Variants in ACKR3 observed in about 807,000 individuals in gnomAD.
The protein encoded by ACKR3 is atypical chemokine receptor 3.
ACKR3 carries 6 observed loss-of-function variants against 22.4 expected under a neutral mutation model. The ratio of observed to expected loss-of-function variants is 0.27; its 90% CI spans 0.15 to 0.53. The LOEUF (loss-of-function observed/expected upper bound fraction) is 0.53, where lower values mean the gene tolerates loss of function less well. ACKR3 is among the 20% of genes least tolerant of loss of function. The pLI is 0.96. For synonymous variants in ACKR3, 209 were observed against 205.2 expected, an observed-to-expected ratio of 1.02 and a Z score of -0.16; for missense variants, 396 against 475.2, an observed-to-expected ratio of 0.83 and a Z score of 1.55.
the ACKR3 span, among the ~76,000 whole-genome samples, chr2:236,543,160 C>A: frequency 1.3e-5 from 2 of 152,106 alleles, no homozygotes; most frequent in South Asian, 4.1e-4. Context: ...GTTATTCTAG[C>A]AGACAAGGAA....
At chr2:236,552,737 A>G in the ACKR3 span, among the ~76,000 whole-genome samples, 5 of 152,032 alleles carry the variant, frequency 3.3e-5, no homozygotes, top group South Asian at 2.1e-4. Context: ...AATAACATAG[A>G]GCATGTAGCC....
upstream of ACKR3, among the ~76,000 whole-genome samples, chr2:236,569,315 T>C (rs1000336462): frequency 5.9e-5 from 9 of 152,250 alleles, no homozygotes; most frequent in African/African-American, 2.2e-4. Context: ...ATCGATTCAT[T>C]GGTCATACCA....
intron 1 of ACKR3, among the ~76,000 whole-genome samples, chr2:236,575,511 CTG>C (rs1418103595): frequency 1.4e-4 from 13 of 92,322 alleles, no homozygotes; most frequent in Non-Finnish European, 1.8e-4. Context: ...GTGTGTGTGT[CTG>C]GGGTTGTGCT....
upstream of ACKR3, among the ~76,000 whole-genome samples, chr2:236,567,241 C>T (rs1691204994): frequency 6.6e-6 from 1 of 152,260 alleles, no homozygotes; most frequent in Non-Finnish European, 1.5e-5. Context: ...CCTCGCGATC[C>T]GCCCGCCTCG....
the ACKR3 span, among the ~76,000 whole-genome samples, chr2:236,547,203 T>G: frequency 6.6e-6 from 1 of 152,200 alleles, no homozygotes; most frequent in African/African-American, 2.4e-5. Flanking sequence ...GAAATAAAAG[T>G]TGCCCAGAGC....
intron 1 of ACKR3, among the ~76,000 whole-genome samples, chr2:236,575,678 G>A (rs920751809): frequency 7.2e-6 from 1 of 139,232 alleles, no homozygotes; most frequent in Non-Finnish European, 1.6e-5. Flanking sequence ...CGTTTCTGGG[G>A]TTGTGCTGTG....
chr2:236,580,932 G>C lies in ACKR3; in HGVS notation c.467G>C (p.Arg156Thr). The stretch of plus-strand genomic sequence containing the variant: ...TACTTCACCAACACCCCCAGCAGCA[G>C]GAAGAAGATGGTACGCCGTGTCGTC... ...ITYFTNTPSSRKKMVRRVVCI... is the reference protein window; with the variant it reads ...ITYFTNTPSSTKKMVRRVVCI... Residue 156 changes from arginine (R) to threonine (T), a missense_variant, in exon 2 of 2, where the codon AGG (arginine) becomes ACG (threonine). Transcript: ENST00000272928. The C allele has an allele frequency of 1.2e-6, 2 of 1,614,204 alleles. No individual in the cohort carries two copies. Among genetic ancestry groups the C allele is most frequent in the Non-Finnish European group, 1.7e-6 (2 of 1,180,040 alleles).
At chr2:236,572,170 T>C (rs182002618) in intron 1 of ACKR3, among the ~76,000 whole-genome samples, 110 of 152,282 alleles carry the variant, frequency 7.2e-4, no homozygotes, top group Admixed American at 2.4e-3. Context: ...TTTGATGGTT[T>C]CCTTCAGGGA....
At chr2:236,541,596 A>T in the ACKR3 span, among the ~76,000 whole-genome samples, 1 of 152,160 alleles carries the variant, frequency 6.6e-6, no homozygotes, top group Non-Finnish European at 1.5e-5. Flanking sequence ...GTTTTGTTTG[A>T]CTTAGCACAG....
intron 1 of ACKR3, among the ~76,000 whole-genome samples, chr2:236,573,306 A>G (rs1299866415): frequency 1.3e-5 from 2 of 152,264 alleles, no homozygotes; most frequent in East Asian, 3.9e-4. Flanking sequence ...GGCCTGGTGG[A>G]AGAGGTGTTA....
At chr2:236,563,786 C>T (rs1039314150), upstream of ACKR3, among the ~76,000 whole-genome samples, 2 of 152,162 alleles carry the variant, frequency 1.3e-5, no homozygotes, top group Non-Finnish European at 2.9e-5. Flanking sequence ...GGTTTACTGC[C>T]CAGACTTGCG....
chr2:236,569,185 G>T (rs557092378), upstream of ACKR3, among the ~76,000 whole-genome samples: 1 of 152,354 alleles, frequency 6.6e-6, no homozygotes, highest in East Asian at 1.9e-4. Flanking sequence ...AGACACTGTA[G>T]AATACTATCT....
chr2:236,549,661 T>A, the ACKR3 span, among the ~76,000 whole-genome samples: 3,296 of 152,282 alleles, frequency 0.022, 71 homozygotes, highest in Middle Eastern at 0.037. The surrounding 1 kb of genome is among the most constrained non-coding windows in gnomAD (Gnocchi z 5.3). Flanking sequence ...AGTAGTAGGA[T>A]CATAGTTGGT....
upstream of ACKR3, among the ~76,000 whole-genome samples, chr2:236,569,003 C>T (rs1487508907): frequency 1.1e-4 from 16 of 152,132 alleles, no homozygotes; most frequent in Admixed American, 6.5e-4. Context: ...ATGAGTATCA[C>T]CTGGATCACA....
chr2:236,564,811 C>T (rs184017019), upstream of ACKR3, among the ~76,000 whole-genome samples: 55 of 152,212 alleles, frequency 3.6e-4, no homozygotes, highest in African/African-American at 9.9e-4. Flanking sequence ...TGGATTGGAA[C>T]GCCATGGCCA....
rs778618630 is a variant in ACKR3, at chr2:236,580,588, C to T, written c.123C>T (p.Ser41=). Residue 41 remains serine, a synonymous_variant, in exon 2 of 2, where the codon AGC becomes AGT. Transcript: ENST00000272928. ...TGTGTCCCAACATGCCCAACAAAAG[C>T]GTCCTGCTCTACACGCTCTCCTTCA... ...TVMCPNMPNK[S]VLLYTLSFIY... is the part of the protein sequence containing the mutation. 20 of 1,613,924 alleles carry T rather than the reference C, an allele frequency of 1.2e-5. No individual in the cohort carries two copies. The Admixed American group carries it at 2.2e-4, about 17-fold the overall frequency.
the ACKR3 span, among the ~76,000 whole-genome samples, chr2:236,543,109 G>A: frequency 6.6e-6 from 1 of 152,190 alleles, no homozygotes. Context: ...TCCCAGGTGA[G>A]GTGCTACTTG....
At chr2:236,545,254 G>C in the ACKR3 span, among the ~76,000 whole-genome samples, 4 of 152,176 alleles carry the variant, frequency 2.6e-5, no homozygotes, top group Non-Finnish European at 4.4e-5. The surrounding 1 kb of genome is among the most constrained non-coding windows in gnomAD (Gnocchi z 5.3). Flanking sequence ...CAGGGGCTCT[G>C]TCGCCCAAGG....
chr2:236,573,644 C>T (rs1226270937), intron 1 of ACKR3, among the ~76,000 whole-genome samples: 1 of 152,214 alleles, frequency 6.6e-6, no homozygotes, highest in African/African-American at 2.4e-5. Flanking sequence ...CCCGGGGCCC[C>T]AGGCCTGGCC....
Sources: gnomAD v4.1 joint callset for allele counts (sites outside exome capture counted in the v4.1 genomes callset) on GRCh38, gnomAD v4.1.1 for gene constraint, Gnocchi (gnomAD v3.1) non-coding constraint, MANE v1.5 for transcripts, NCBI Gene and HGNC (gene_info 2026-07-23, HGNC 2026-07-21) for gene names.